Variants in EVI5 observed in about 807,000 individuals in gnomAD.
EVI5 encodes ecotropic viral integration site 5 protein homolog.
Under a neutral mutation model 112.0 loss-of-function variants are expected in EVI5, and 73 were observed. That is an observed-to-expected ratio of 0.65 (90% CI 0.54 to 0.79). EVI5 has a LOEUF of 0.79. Among genes scored for constraint, EVI5 ranks in the 30% least tolerant of loss-of-function variants. The probability of loss-of-function intolerance (pLI) is 0.00; values close to 1 mark genes in which losing one functional copy is unlikely to be tolerated. For missense variants in EVI5, 900 were observed against 968.8 expected (o/e 0.93, Z 0.94); for synonymous variants, 305 against 319.9 (o/e 0.95, Z 0.50).
At chr1:92,715,947 A>C (rs768827978) in intron 2 of EVI5, among the ~76,000 whole-genome samples, 1 of 152,046 alleles carries the variant, frequency 6.6e-6, no homozygotes, top group Non-Finnish European at 1.5e-5. Flanking sequence ...TAGGTAAACA[A>C]AGCGGCCGGG....
chr1:92,771,017 T>C (rs769350418), intron 1 of EVI5, among the ~76,000 whole-genome samples: 7 of 151,686 alleles, frequency 4.6e-5, no homozygotes, highest in Non-Finnish European at 7.4e-5. Flanking sequence ...GGTTTCACCA[T>C]GTTGCCCAGG....
At chr1:92,564,008 T>C (rs562292089) in intron 18 of EVI5, among the ~76,000 whole-genome samples, 251 of 152,242 alleles carry the variant, frequency 1.6e-3, no homozygotes, top group South Asian at 4.8e-3. Context: ...CCGCAACCTC[T>C]GCCTCCCGGG....
At chr1:92,774,672 C>T (rs1036440662) in intron 1 of EVI5, among the ~76,000 whole-genome samples, 1 of 152,126 alleles carries the variant, frequency 6.6e-6, no homozygotes, top group African/African-American at 2.4e-5. Context: ...AAAACAACAA[C>T]AAAAACCCAG....
intron 19 of EVI5, among the ~76,000 whole-genome samples, chr1:92,531,915 C>A (rs1049213790): frequency 2.6e-5 from 4 of 152,150 alleles, no homozygotes; most frequent in Non-Finnish European, 5.9e-5. Flanking sequence ...ATCATAATGG[C>A]AGGATCAAAT....
chr1:92,676,671 T>G (rs1415781200), intron 10 of EVI5, among the ~76,000 whole-genome samples: 1 of 152,184 alleles, frequency 6.6e-6, no homozygotes, highest in African/African-American at 2.4e-5. Context: ...AAAATCTGCT[T>G]GATTTTCTGG....
At chr1:92,662,653 G>T in intron 13 of EVI5, 66 bp downstream of exon 13, 1 of 954,060 alleles carries the variant, frequency 1.0e-6, no homozygotes, top group Non-Finnish European at 1.3e-6. Context: ...TCTGTGCTAT[G>T]AAAAAAAAAA....
At chr1:92,584,122 T>G (rs958622713) in intron 18 of EVI5, among the ~76,000 whole-genome samples, 1 of 152,184 alleles carries the variant, frequency 6.6e-6, no homozygotes, top group Non-Finnish European at 1.5e-5. Flanking sequence ...TTTTATATTA[T>G]ACCCACAGAT....
chr1:92,550,009 A>G (rs1264485235), intron 19 of EVI5, among the ~76,000 whole-genome samples: 1 of 152,188 alleles, frequency 6.6e-6, no homozygotes, highest in African/African-American at 2.4e-5. Context: ...GTATATACCC[A>G]AAGGATTAAA....
At chr1:92,747,695 C>G (rs945771958) in intron 1 of EVI5, among the ~76,000 whole-genome samples, 2 of 115,594 alleles carry the variant, frequency 1.7e-5, no homozygotes, top group Non-Finnish European at 3.2e-5. Context: ...GCCTGGGTGA[C>G]AGAGCCAGAC....
intron 1 of EVI5, among the ~76,000 whole-genome samples, chr1:92,755,146 C>T (rs1266574175): frequency 2.7e-5 from 4 of 148,300 alleles, no homozygotes; most frequent in South Asian, 4.2e-4. Context: ...TAGTGGCTCA[C>T]GCCTGAAATC....
intron 18 of EVI5, among the ~76,000 whole-genome samples, chr1:92,564,336 T>C (rs1258159844): frequency 6.6e-6 from 1 of 152,188 alleles, no homozygotes; most frequent in Non-Finnish European, 1.5e-5. Flanking sequence ...TGATTTTCTA[T>C]TCATACCGTA....
At chr1:92,646,307 T>TACA (rs1660953923) in intron 13 of EVI5, among the ~76,000 whole-genome samples, 1 of 152,232 alleles carries the variant, frequency 6.6e-6, no homozygotes, top group Non-Finnish European at 1.5e-5. Flanking sequence ...CTTTCATTGA[T>TACA]GCAGTGGCTC....
chr1:92,660,116 C>A (rs1205666459), intron 13 of EVI5, among the ~76,000 whole-genome samples: 1 of 151,874 alleles, frequency 6.6e-6, no homozygotes, highest in African/African-American at 2.4e-5. Flanking sequence ...GAAATTAACT[C>A]ATGGATACAA....
At chr1:92,587,728 G>C (rs1233332514) in intron 18 of EVI5, among the ~76,000 whole-genome samples, 5 of 152,044 alleles carry the variant, frequency 3.3e-5, no homozygotes, top group Admixed American at 6.6e-5. Context: ...AATCAAAATG[G>C]GTAAATGTTA....
chr1:92,578,576 G>A (rs1671445167), intron 18 of EVI5, among the ~76,000 whole-genome samples: 1 of 152,020 alleles, frequency 6.6e-6, no homozygotes, highest in African/African-American at 2.4e-5. Context: ...AAATTAGCTG[G>A]GCGTGGTGGC....
intron 13 of EVI5, among the ~76,000 whole-genome samples, chr1:92,660,355 A>G (rs1003099800): frequency 6.6e-6 from 1 of 152,062 alleles, no homozygotes; most frequent in Non-Finnish European, 1.5e-5. Context: ...TCTCACTCAT[A>G]TGTGGAATCT....
chr1:92,637,795 C>A (rs1371868742), intron 13 of EVI5, among the ~76,000 whole-genome samples: 1 of 151,234 alleles, frequency 6.6e-6, no homozygotes, highest in African/African-American at 2.4e-5. Flanking sequence ...TAAAAATAAC[C>A]AGATGCTTAA....
intron 18 of EVI5, among the ~76,000 whole-genome samples, chr1:92,591,483 T>G (rs2101289805): frequency 6.6e-6 from 1 of 152,090 alleles, no homozygotes; most frequent in South Asian, 2.1e-4. Context: ...TAAAACAGAC[T>G]TTAAACCAAC....
At position 92,564,446 on chromosome 1, in the gene EVI5, AG is replaced by A. The variant is rs1194579985; in HGVS notation, c.2071-710del. 1.8e-4 allele frequency among the ~76,000 whole-genome samples: 27 copies of A among 152,224 alleles called. 1 individual carries two copies. The South Asian group carries it at 3.7e-3, about 21-fold the overall frequency. On this transcript the variant is annotated intron_variant, in intron 18 of 19. Transcript: ENST00000684568. ...GGGAACAGAAAAGGGGGGAAAAAAA[AG>A]AAAAAGTTGTCCAAATCACTCTAAA...
Sources: gnomAD v4.1 joint callset for allele counts (sites outside exome capture counted in the v4.1 genomes callset) on GRCh38, gnomAD v4.1.1 for gene constraint, MANE v1.5 for transcripts, NCBI Gene and HGNC (gene_info 2026-07-23, HGNC 2026-07-21) for gene names.